LDLRAD4: variants seen among roughly 807,000 people sequenced by gnomAD.
LDLRAD4 encodes the protein low density lipoprotein receptor class A domain containing 4.
Under a neutral mutation model 17.0 loss-of-function variants are expected in LDLRAD4, and 5 were observed. The observed-to-expected ratio is 0.29, with a 90% CI of 0.15 to 0.62. The LOEUF (loss-of-function observed/expected upper bound fraction) is 0.62. Ranked by LOEUF, LDLRAD4 falls within the 20% of genes least tolerant of loss-of-function variation. The pLI, the probability that LDLRAD4 is intolerant of heterozygous loss-of-function variation, is 0.84. For synonymous variants in LDLRAD4, 168 were observed against 171.8 expected, an observed-to-expected ratio of 0.98 and a Z score of 0.17; for missense variants, 340 against 424.7, an observed-to-expected ratio of 0.80 and a Z score of 1.75.
intron 1 of LDLRAD4, among the ~76,000 whole-genome samples, chr18:13,263,926 A>T (rs146411981): frequency 0.016 from 2,404 of 152,276 alleles, 62 homozygotes; most frequent in African/African-American, 0.054. Context: ...TACAGTCAAC[A>T]TGACTTTAGA....
Position 13,645,890 on chromosome 18 carries a change from G to A in LDLRAD4, c.*233G>A, listed in dbSNP as rs1393555060. ...AAACAGTGTTTATTTGGGGACAGGG[G>A]TTGGGATGGGGGTGTGGGCAGGGGA... On this transcript the variant is annotated 3_prime_UTR_variant, in exon 6 of 6. Coordinates refer to ENST00000359446, the Ensembl canonical transcript of LDLRAD4. The surrounding 1 kb of genome is among the most constrained non-coding windows in gnomAD (Gnocchi z 5.7). 1 of 377,120 alleles carries A rather than the reference G, an allele frequency of 2.7e-6. No individual in the cohort carries two copies. Among genetic ancestry groups the A allele is most frequent in the Non-Finnish European group, 4.7e-6 (1 of 214,474 alleles). The allele number at this position is 377,120 out of a possible 1,614,324, so 23.4% of individuals were successfully genotyped here.
At chr18:13,263,983 G>GAA (rs148090492) in intron 1 of LDLRAD4, among the ~76,000 whole-genome samples, 52 of 148,740 alleles carry the variant, frequency 3.5e-4, no homozygotes, top group African/African-American at 1.1e-3. Context: ...TTTAATTAAA[G>GAA]AAAAAAAAAA....
intron 3 of LDLRAD4, among the ~76,000 whole-genome samples, chr18:13,524,695 C>T (rs139338419): frequency 8.7e-4 from 133 of 152,284 alleles, no homozygotes; most frequent in South Asian, 2.1e-3. Context: ...CAGCAAAAGC[C>T]GAGACAACCA....
intron 3 of LDLRAD4, among the ~76,000 whole-genome samples, chr18:13,602,138 A>G (rs760696083): frequency 3.3e-5 from 5 of 152,240 alleles, no homozygotes. Context: ...AATGGGAACA[A>G]TAGAAACTGG....
intron 3 of LDLRAD4, among the ~76,000 whole-genome samples, chr18:13,541,895 G>A (rs1479609629): frequency 6.6e-6 from 1 of 152,186 alleles, no homozygotes; most frequent in Non-Finnish European, 1.5e-5. Context: ...AACATAGTGA[G>A]ATGTTGTCTC....
intron 3 of LDLRAD4, among the ~76,000 whole-genome samples, chr18:13,500,382 G>A (rs1861513676): frequency 6.6e-6 from 1 of 152,222 alleles, no homozygotes; most frequent in South Asian, 2.1e-4. Flanking sequence ...GGACAGCACT[G>A]GGTCTTAGGT....
At chr18:13,278,209 C>G (rs1416927876) in intron 1 of LDLRAD4, 21 bp downstream of exon 2, 2 of 152,270 alleles carry the variant, frequency 1.3e-5, no homozygotes, top group Non-Finnish European at 1.5e-5. Flanking sequence ...TTACTTGTGA[C>G]TGTTCTTTGT....
At chr18:13,450,326 A>G (rs56063564) in intron 3 of LDLRAD4, among the ~76,000 whole-genome samples, 1 of 68,054 alleles carries the variant, frequency 1.5e-5, no homozygotes, top group Non-Finnish European at 2.8e-5. Context: ...CTCTCCCCCC[A>G]CCCCCCCCCC....
At chr18:13,425,607 G>A (rs2089867748) in intron 2 of LDLRAD4, among the ~76,000 whole-genome samples, 1 of 152,180 alleles carries the variant, frequency 6.6e-6, no homozygotes, top group Non-Finnish European at 1.5e-5. Flanking sequence ...GGTAGATGTG[G>A]CCATCCCTTC....
chr18:13,562,595 T>C (rs1160662261), intron 3 of LDLRAD4, among the ~76,000 whole-genome samples: 1 of 152,206 alleles, frequency 6.6e-6, no homozygotes, highest in Non-Finnish European at 1.5e-5. Context: ...AACTTGTTCA[T>C]CTTATAACTG....
intron 3 of LDLRAD4, among the ~76,000 whole-genome samples, chr18:13,617,504 GCCAT>G (rs2040203671): frequency 6.6e-6 from 1 of 152,154 alleles, no homozygotes; most frequent in Admixed American, 6.5e-5. Flanking sequence ...ATGTTTAGAG[GCCAT>G]AAAGGAAAAA....
chr18:13,631,730 C>T (rs1437463723), intron 4 of LDLRAD4, among the ~76,000 whole-genome samples: 2 of 152,112 alleles, frequency 1.3e-5, no homozygotes, highest in African/African-American at 4.8e-5. Context: ...GAGTTCGAGA[C>T]CAGCCTGGCC....
chr18:13,498,319 C>CTT (rs10635668), intron 3 of LDLRAD4, among the ~76,000 whole-genome samples: 2 of 125,484 alleles, frequency 1.6e-5, no homozygotes, highest in Non-Finnish European at 3.4e-5. Context: ...TGCCCACACA[C>CTT]GTCCTGCCGT....
At chr18:13,230,232 G>A (rs972076508) in intron 1 of LDLRAD4, among the ~76,000 whole-genome samples, 3 of 152,120 alleles carry the variant, frequency 2.0e-5, no homozygotes, top group Non-Finnish European at 4.4e-5. Context: ...GATCTTGGAC[G>A]TCCCATCCAC....
rs1041325546 is a variant in LDLRAD4 at position 13,298,690 on chromosome 18, G to A, written c.-383+20502G>A. ...CTGCTGTGGGCATGGTGATGTTGCCGCTTTGGGCATGGTGATGGAGCTGCT... is the reference window on the plus strand; with the variant it reads ...CTGCTGTGGGCATGGTGATGTTGCCACTTTGGGCATGGTGATGGAGCTGCT... On this transcript the variant is annotated intron_variant, in intron 1 of 5. Transcript: ENST00000359446. Among the ~76,000 whole-genome samples, 3 of 152,076 alleles carry A rather than the reference G, an allele frequency of 2.0e-5. 1 individual carries two copies. The highest frequency in any genetic ancestry group is 4.2e-4 in the South Asian group (2 of 4,810).
intron 3 of LDLRAD4, among the ~76,000 whole-genome samples, chr18:13,602,426 G>A (rs2095173771): frequency 6.6e-6 from 1 of 151,638 alleles, no homozygotes; most frequent in Non-Finnish European, 1.5e-5. Context: ...TGGTTGCTTT[G>A]GGAATCATCA....
At chr18:13,360,936 G>A (rs549422092) in intron 1 of LDLRAD4, among the ~76,000 whole-genome samples, 1 of 152,290 alleles carries the variant, frequency 6.6e-6, no homozygotes, top group South Asian at 2.1e-4. Flanking sequence ...AGATGAGTGG[G>A]AACTGAGTAT....
Position 13,643,350 on chromosome 18 carries a change from C to T in LDLRAD4, c.337-9C>T. The T allele has an allele frequency of 1.4e-6, 2 of 1,470,030 alleles. No homozygotes were observed. The highest frequency in any genetic ancestry group is 2.8e-5 in the East Asian group (1 of 35,694). The allele number at this position is 1,470,030 out of a possible 1,614,324, so 91.1% of individuals were successfully genotyped here. A position where few individuals can be genotyped will look rare whatever the true frequency, so the allele number is the denominator to read the frequency against. On this transcript the variant is annotated splice_polypyrimidine_tract_variant and intron_variant, in intron 4 of 5. Transcript: ENST00000359446. ...TTCCCCCCACTCTCCTCCCCTTCCC[C>T]TCCGCCAGGAAGGGTGCCTGTGGCC...
intron 3 of LDLRAD4, among the ~76,000 whole-genome samples, chr18:13,619,523 G>GA (rs1568415563): frequency 6.9e-6 from 1 of 144,300 alleles, no homozygotes; most frequent in Non-Finnish European, 1.5e-5. Context: ...GCCGGGGGGG[G>GA]GCGGGGGTGG....
Sources: gnomAD v4.1 joint callset for allele counts (sites outside exome capture counted in the v4.1 genomes callset) on GRCh38, gnomAD v4.1.1 for gene constraint, Gnocchi (gnomAD v3.1) non-coding constraint, MANE v1.5 for transcripts, NCBI Gene and HGNC (gene_info 2026-07-23, HGNC 2026-07-21) for gene names.